Variants in APBA2 observed in about 807,000 individuals in gnomAD.
The protein encoded by APBA2 is amyloid-beta A4 precursor protein-binding family A member 2.
In APBA2, 30 loss-of-function variants were observed where a neutral mutation model predicts 75.0. The observed-to-expected ratio is 0.40, with a 90% CI of 0.30 to 0.54. The LOEUF (loss-of-function observed/expected upper bound fraction) is 0.54, where lower values mean the gene tolerates loss of function less well. Ranked by LOEUF, APBA2 falls within the 20% of genes least tolerant of loss-of-function variation. The pLI is 0.49. For synonymous variants in APBA2, 444 were observed against 409.6 expected (o/e 1.08, Z -1.01); for missense variants, 801 against 1,016.1 (o/e 0.79, Z 2.88).
At chr15:29,063,778 C>T (rs1481597170) in intron 4 of APBA2, among the ~76,000 whole-genome samples, 3 of 151,784 alleles carry the variant, frequency 2.0e-5, no homozygotes, top group African/African-American at 7.3e-5. Flanking sequence ...GGTGGGTGGG[C>T]AAGTCCCTGC....
intron 12 of APBA2, among the ~76,000 whole-genome samples, chr15:29,107,271 A>G (rs2044470927): frequency 1.3e-5 from 2 of 152,080 alleles, no homozygotes; most frequent in South Asian, 4.1e-4. Context: ...TAAGGAGGCC[A>G]CCCTGACCGT....
At chr15:29,106,180 A>T (rs1567020499) in intron 11 of APBA2, among the ~76,000 whole-genome samples, 1 of 152,188 alleles carries the variant, frequency 6.6e-6, no homozygotes, top group Non-Finnish European at 1.5e-5. Context: ...GACTTTTCCA[A>T]CAAGAGTGAA....
rs572275424 is a variant in APBA2 at position 29,094,065 on chromosome 15, G to A, written c.1216-213G>A. 3.3e-5 allele frequency among the ~76,000 whole-genome samples: 5 copies of A among 152,342 alleles called. No homozygotes were observed. The East Asian group carries it at 5.8e-4, about 18-fold the overall frequency. ...CTGTCCTCCATAGATGGGGTGGTTG[G>A]CAGTCATTTCTAGCGCTCCAGGGAC... On this transcript the variant is annotated intron_variant, in intron 7 of 14. Transcript: ENST00000683413.
chr15:28,946,271 A>G (rs527383025), intron 2 of APBA2, among the ~76,000 whole-genome samples: 1 of 152,336 alleles, frequency 6.6e-6, no homozygotes, highest in African/African-American at 2.4e-5. Context: ...ATGGATCTTG[A>G]GATGGAGAGA....
chr15:28,936,861 G>A (rs2034903352), intron 2 of APBA2, among the ~76,000 whole-genome samples: 2 of 151,778 alleles, frequency 1.3e-5, no homozygotes, highest in South Asian at 2.1e-4. Flanking sequence ...AGGAGACCAG[G>A]GGCCAGTGGC....
intron 2 of APBA2, among the ~76,000 whole-genome samples, chr15:28,958,260 A>G (rs1390792813): frequency 6.6e-6 from 1 of 152,224 alleles, no homozygotes; most frequent in Non-Finnish European, 1.5e-5. Context: ...AGGAGGGGCC[A>G]TAATAGCAAC....
Position 29,038,747 on chromosome 15 carries a change from C to T in APBA2, c.-40-15098C>T, listed in dbSNP as rs528453905. Among the ~76,000 whole-genome samples, 38 of 148,002 alleles carry T rather than the reference C, an allele frequency of 2.6e-4. 1 individual carries two copies. The South Asian group carries it at 3.3e-3, about 13-fold the overall frequency. On this transcript the variant is annotated intron_variant, in intron 3 of 14. Transcript: ENST00000683413. ...GGAGTGCAGTGAGGCCATCTTGGCT[C>T]GCTGCAACCTCCACCTCCTGGGTTC... is the stretch of plus-strand genomic sequence containing the variant.
chr15:28,936,486 C>T (rs2034879761), intron 2 of APBA2, among the ~76,000 whole-genome samples: 1 of 152,206 alleles, frequency 6.6e-6, no homozygotes, highest in African/African-American at 2.4e-5. Context: ...TACACCGGTT[C>T]TGTGTTTCGG....
intron 1 of APBA2, among the ~76,000 whole-genome samples, chr15:28,888,383 G>T (rs533803894): frequency 2.6e-5 from 4 of 152,364 alleles, no homozygotes; most frequent in Admixed American, 2.0e-4. Flanking sequence ...GTTGGCATCA[G>T]GCTGGGCTTT....
chr15:29,037,644 A>G (rs901492748), intron 3 of APBA2, among the ~76,000 whole-genome samples: 2 of 152,130 alleles, frequency 1.3e-5, no homozygotes, highest in Non-Finnish European at 2.9e-5. Context: ...TCTCCTTGTT[A>G]GAGGGTGTGT....
chr15:29,015,535 T>G (rs2039615456), intron 3 of APBA2, among the ~76,000 whole-genome samples: 3 of 152,172 alleles, frequency 2.0e-5, no homozygotes, highest in South Asian at 2.1e-4. Flanking sequence ...AGAGAATCTT[T>G]TAGAAAACAG....
chr15:29,076,506 G>A (rs2042860046), intron 6 of APBA2, among the ~76,000 whole-genome samples: 1 of 151,366 alleles, frequency 6.6e-6, no homozygotes, highest in Non-Finnish European at 1.5e-5. Context: ...TTTTTGAGGA[G>A]GTTAATAGTG....
intron 8 of APBA2, among the ~76,000 whole-genome samples, chr15:29,096,762 A>G (rs927498050): frequency 1.3e-5 from 2 of 152,222 alleles, no homozygotes; most frequent in Admixed American, 1.3e-4. Context: ...GAATAATTAA[A>G]TCATAGTTTT....
intron 3 of APBA2, among the ~76,000 whole-genome samples, chr15:29,040,977 A>G (rs1229206556): frequency 6.6e-6 from 1 of 152,196 alleles, no homozygotes; most frequent in African/African-American, 2.4e-5. Flanking sequence ...GAGGTAAAAG[A>G]TGGACAGTTC....
chr15:29,028,999 C>T (rs915833228), intron 3 of APBA2, among the ~76,000 whole-genome samples: 4 of 152,240 alleles, frequency 2.6e-5, no homozygotes, highest in Admixed American at 2.6e-4. Context: ...TGTGCAGAAG[C>T]TCTTTAGTTT....
chr15:28,993,497 G>A (rs948958833), intron 2 of APBA2, among the ~76,000 whole-genome samples: 8 of 152,326 alleles, frequency 5.3e-5, no homozygotes, highest in Non-Finnish European at 5.9e-5. Context: ...GTGGACAGGG[G>A]CCCAGAGGCC....
chr15:29,076,707 G>T (rs757094225), intron 6 of APBA2, among the ~76,000 whole-genome samples: 3 of 152,118 alleles, frequency 2.0e-5, no homozygotes, highest in African/African-American at 7.2e-5. Flanking sequence ...CAGGATTTCT[G>T]TCTTTGCCAG....
chr15:29,066,465 G>A lies in APBA2; in HGVS notation c.952-8456G>A, dbSNP rs1406889156. Among the ~76,000 whole-genome samples the A allele has an allele frequency of 2.0e-5, 3 of 152,194 alleles. No homozygotes were observed. In the East Asian group the frequency reaches 5.8e-4, roughly 29 times the overall value. ...CAATGAGCCAGTCACAAAAGGACAA[G>A]TACTGTGTGATTCTACTTCTGAGGC... On this transcript the variant is annotated intron_variant, in intron 4 of 14. Transcript: ENST00000683413.
chr15:28,975,136 G>A (rs1400706429), intron 2 of APBA2, among the ~76,000 whole-genome samples: 1 of 151,946 alleles, frequency 6.6e-6, no homozygotes, highest in Non-Finnish European at 1.5e-5. Flanking sequence ...GTGAAGACCT[G>A]GATAGAAAGG....
Sources: allele counts gnomAD v4.1 joint callset (sites outside exome capture counted in the v4.1 genomes callset), GRCh38; gene constraint gnomAD v4.1.1; transcripts MANE v1.5; gene names NCBI Gene and HGNC (gene_info 2026-07-23, HGNC 2026-07-21).